NUP153: variants seen among roughly 807,000 people sequenced by gnomAD.
NUP153 encodes the protein nucleoporin 153.
In NUP153, 27 loss-of-function variants were observed where a neutral mutation model predicts 134.6. The observed-to-expected ratio is 0.20, with a 90% CI of 0.15 to 0.28. NUP153 has a LOEUF of 0.28. Ranked by LOEUF, NUP153 falls within the 10% of genes least tolerant of loss-of-function variation. The pLI, the probability that NUP153 is intolerant of heterozygous loss-of-function variation, is 1.00. For synonymous variants in NUP153, 640 were observed against 623.5 expected (o/e 1.03, Z -0.40); for missense variants, 1,821 against 1,731.3 (o/e 1.05, Z -0.92).
intron 11 of NUP153, chr6:17,651,704 T>TA: frequency 2.6e-6 from 1 of 389,570 alleles, no homozygotes; most frequent in Non-Finnish European, 4.5e-6. Flanking sequence ...AAGTTTTTTT[T>TA]AAAAGGACAC....
chr6:17,654,212 A>G (rs1292843494), intron 11 of NUP153, among the ~76,000 whole-genome samples: 2 of 152,068 alleles, frequency 1.3e-5, no homozygotes, highest in African/African-American at 2.4e-5. Flanking sequence ...TCTCTGTCCA[A>G]CCTCCAGCGT....
intron 14 of NUP153, among the ~76,000 whole-genome samples, chr6:17,644,509 T>G (rs1268949314): frequency 6.6e-6 from 1 of 152,208 alleles, no homozygotes; most frequent in Non-Finnish European, 1.5e-5. Context: ...GTGTCATGCT[T>G]TTTCTCTTGT....
At chr6:17,616,333 A>G in intron 21 of NUP153, 152 bp from the exon 22 acceptor site, 1 of 726,006 alleles carries the variant, frequency 1.4e-6, no homozygotes, top group East Asian at 2.7e-5. Flanking sequence ...TACACCTAAC[A>G]CACACGCTAC....
intron 11 of NUP153, among the ~76,000 whole-genome samples, chr6:17,652,875 A>C (rs894775167): frequency 1.3e-5 from 2 of 152,000 alleles, no homozygotes; most frequent in Non-Finnish European, 2.9e-5. Context: ...ATACAAAAAA[A>C]AAAATTAGCT....
chr6:17,688,547 C>G lies in NUP153; in HGVS notation c.183G>C (p.Lys61Asn). The part of the protein sequence containing the change: ...VPGWLQRYFN[K>N]NEDVCSCSTD... ...TTGAACAGCTGCATACATCTTCATT[C>G]TTGTTGAAGTATCTTTGTAGCCACC... Residue 61 changes from lysine (K) to asparagine (N), a missense_variant, in exon 2 of 22, where the codon AAG becomes AAC. Coordinates refer to ENST00000262077, the MANE Select transcript of NUP153 (RefSeq NM_005124.4). 1 of 1,614,086 alleles carries G rather than the reference C, an allele frequency of 6.2e-7. No individual in the cohort carries two copies.
intron 2 of NUP153, among the ~76,000 whole-genome samples, chr6:17,685,259 G>C (rs1400997222): frequency 6.6e-6 from 1 of 152,124 alleles, no homozygotes; most frequent in African/African-American, 2.4e-5. Context: ...CATAAGAACA[G>C]TCAACTAGTT....
At chr6:17,660,594 T>TTA (rs200566929) in intron 11 of NUP153, among the ~76,000 whole-genome samples, 34 of 151,412 alleles carry the variant, frequency 2.2e-4, no homozygotes, top group African/African-American at 6.8e-4. Context: ...ATATAAGAAA[T>TTA]TATATATATA....
chr6:17,700,273 T>C (rs547518902), intron 1 of NUP153, among the ~76,000 whole-genome samples: 107 of 152,336 alleles, frequency 7.0e-4, no homozygotes, highest in African/African-American at 2.5e-3. Flanking sequence ...TAATAACTCC[T>C]TACCTATATA....
chr6:17,672,040 T>A (rs1767945154), intron 5 of NUP153, among the ~76,000 whole-genome samples: 1 of 151,878 alleles, frequency 6.6e-6, no homozygotes, highest in African/African-American at 2.4e-5. Context: ...ATCAAAATCC[T>A]AGCAGACTGT....
At chr6:17,689,288 G>A (rs937466096) in intron 1 of NUP153, among the ~76,000 whole-genome samples, 14 of 152,050 alleles carry the variant, frequency 9.2e-5, no homozygotes, top group African/African-American at 2.9e-4. Flanking sequence ...TCAGGAGGCT[G>A]AGGCAGGAGA....
At chr6:17,666,462 C>T (rs903970601) in intron 8 of NUP153, among the ~76,000 whole-genome samples, 10 of 152,040 alleles carry the variant, frequency 6.6e-5, no homozygotes, top group South Asian at 2.1e-4. Flanking sequence ...TTCAATGGGC[C>T]GAGATTGTGC....
chr6:17,669,370 T>C (rs1023847156), intron 6 of NUP153, 33 bp from the exon 7 acceptor site: 1 of 1,601,846 alleles, frequency 6.2e-7, no homozygotes, highest in Non-Finnish European at 8.6e-7. Context: ...AAAATTAAGA[T>C]TTTTCAATAA....
chr6:17,684,149 CCA>C (rs748132189), intron 2 of NUP153, among the ~76,000 whole-genome samples: 5 of 152,174 alleles, frequency 3.3e-5, no homozygotes, highest in African/African-American at 4.8e-5. Context: ...GGTGCCATGC[CCA>C]CACAGTTTGC....
chr6:17,703,021 C>A (rs1345927775), intron 1 of NUP153, among the ~76,000 whole-genome samples: 1 of 122,198 alleles, frequency 8.2e-6, no homozygotes, highest in Non-Finnish European at 1.9e-5. Context: ...ACCAACATGG[C>A]GAAATCCCGT....
At chr6:17,630,094 C>T (rs1032589342) in intron 17 of NUP153, among the ~76,000 whole-genome samples, 4 of 152,072 alleles carry the variant, frequency 2.6e-5, no homozygotes, top group African/African-American at 9.7e-5. Flanking sequence ...ACTTTTCTAA[C>T]AAGGTAAAAG....
At chr6:17,632,509 C>T in intron 17 of NUP153, 141 bp downstream of exon 17, 1 of 599,654 alleles carries the variant, frequency 1.7e-6, no homozygotes, top group Non-Finnish European at 2.7e-6. Context: ...ATAACTAAAA[C>T]ATCTCAGGAT....
Position 17,629,283 on chromosome 6 carries a change from A to G in NUP153, c.2916T>C (p.Val972=). ...GVSSESKPEE[V]KKDSKNDNFK... ...AATTATCATTCTTACTATCTTTTTT[A>G]ACTTCTTCGGGCTTAGATTCAGATG... Residue 972 remains valine (V), a synonymous_variant, in exon 18 of 22, where the codon GTT becomes GTC. Coordinates refer to ENST00000262077, the MANE Select transcript of NUP153 (RefSeq NM_005124.4). 3.1e-6 allele frequency: 5 copies of G among 1,610,532 alleles called. No individual in the cohort carries two copies. Among genetic ancestry groups the G allele is most frequent in the Non-Finnish European group, 4.2e-6 (5 of 1,179,166 alleles).
intron 5 of NUP153, among the ~76,000 whole-genome samples, chr6:17,672,377 A>C (rs555291554): frequency 3.1e-4 from 47 of 151,792 alleles, no homozygotes; most frequent in African/African-American, 9.2e-4. Context: ...CAGGAGTACA[A>C]CACCAGCCTA....
In NUP153 at chr6:17,661,657, T is replaced by C. The variant is rs1426111193; in HGVS notation, c.1391A>G (p.Glu464Gly). Residue 464 changes from glutamate (E) to glycine (G), a missense_variant, in exon 11 of 22, where the codon GAG (glutamate) becomes GGG (glycine). Coordinates refer to ENST00000262077, the MANE Select transcript of NUP153 (RefSeq NM_005124.4). The stretch of plus-strand genomic sequence containing the variant: ...TATATGAGTATACAACCCTACCTCC[T>C]CCTCCAGAGGTTTAGAAGCAACAAA... ...TRFVASKPLE[E>G]EEMEVPVLPK... 6.2e-7 allele frequency: 1 copy of C among 1,613,366 alleles called. No homozygotes were observed. The highest frequency in any genetic ancestry group is 1.1e-5 in the South Asian group (1 of 91,006).
Sources: allele counts gnomAD v4.1 joint callset (sites outside exome capture counted in the v4.1 genomes callset), GRCh38; gene constraint gnomAD v4.1.1; transcripts MANE v1.5; gene names NCBI Gene and HGNC (gene_info 2026-07-23, HGNC 2026-07-21).